Variants in DLGAP2 observed in about 807,000 individuals in gnomAD.
DLGAP2 encodes the protein disks large-associated protein 2.
In DLGAP2, 26 loss-of-function variants were observed where a neutral mutation model predicts 100.3. The ratio of observed to expected loss-of-function variants is 0.26; its 90% confidence interval spans 0.19 to 0.36. The LOEUF is 0.36. DLGAP2 is among the 10% of genes least tolerant of loss of function. The pLI, the probability that DLGAP2 is intolerant of heterozygous loss-of-function variation, is 1.00. For missense variants in DLGAP2, 1,858 were observed against 1,453.2 expected (o/e 1.28, Z -4.53); for synonymous variants, 886 against 630.1 (o/e 1.41, Z -6.08).
chr8:1,688,994 C>T (rs1799183463), intron 12 of DLGAP2, among the ~76,000 whole-genome samples: 1 of 152,218 alleles, frequency 6.6e-6, no homozygotes. Flanking sequence ...GGAGGAGACA[C>T]TGCAGCACCC....
rs138375616 is a variant in DLGAP2, at chr8:1,012,997, G to A, written c.73+105031G>A. Reference sequence around the variant, plus strand: ...CTTCAGTTTTGCAGATGAGGAAGTTGAGACTGTGGACTAGGAAGGTGTTTC... The same window carrying A: ...CTTCAGTTTTGCAGATGAGGAAGTTAAGACTGTGGACTAGGAAGGTGTTTC... On this transcript the variant is annotated intron_variant, in intron 2 of 14. Transcript: ENST00000637795. Among the ~76,000 whole-genome samples the A allele has an allele frequency of 3.3e-3, 509 of 152,304 alleles. 3 individuals carry two copies. Among genetic ancestry groups the A allele is most frequent in the African/African-American group, 0.012 (486 of 41,572 alleles).
chr8:754,934 A>C (rs773418045), intron 1 of DLGAP2, among the ~76,000 whole-genome samples: 1 of 152,214 alleles, frequency 6.6e-6, no homozygotes, highest in African/African-American at 2.4e-5. Flanking sequence ...CATCCTAGCA[A>C]TTTGTGATAA....
At chr8:1,484,623 C>T (rs1052659856) in intron 3 of DLGAP2, among the ~76,000 whole-genome samples, 2 of 152,172 alleles carry the variant, frequency 1.3e-5, no homozygotes, top group African/African-American at 4.8e-5. Context: ...CAATTCAGAC[C>T]CAACTTACAA....
chr8:1,535,706 A>G (rs1375386871), intron 4 of DLGAP2, among the ~76,000 whole-genome samples: 1 of 152,210 alleles, frequency 6.6e-6, no homozygotes, highest in Admixed American at 6.5e-5. Context: ...CCTTGGTGCA[A>G]CGGCCCTGGT....
At chr8:891,815 GGGGATACAAAGCCTGCATCCCA>G (rs1273838249) in intron 1 of DLGAP2, among the ~76,000 whole-genome samples, 2 of 152,184 alleles carry the variant, frequency 1.3e-5, no homozygotes, top group Non-Finnish European at 2.9e-5. Context: ...CTCACTGCCT[GGGGATACAAAGCCTGCATCCCA>G]GCCAGCCGAG....
At chr8:858,805 G>T (rs550997452) in intron 1 of DLGAP2, among the ~76,000 whole-genome samples, 3 of 152,248 alleles carry the variant, frequency 2.0e-5, no homozygotes, top group African/African-American at 7.2e-5. Context: ...TGCTGTCATT[G>T]TGGCCACATG....
intron 3 of DLGAP2, among the ~76,000 whole-genome samples, chr8:1,360,959 T>C (rs977994261): frequency 3.3e-5 from 5 of 152,208 alleles, no homozygotes; most frequent in African/African-American, 4.8e-5. Flanking sequence ...GCCGAGTGTC[T>C]AAAAGGGAAG....
chr8:1,407,687 G>A (rs868102322), intron 3 of DLGAP2, among the ~76,000 whole-genome samples: 8 of 102,174 alleles, frequency 7.8e-5, no homozygotes, highest in African/African-American at 2.8e-4. Context: ...CTTACTGAGC[G>A]CCACCTCCTC....
chr8:1,023,339 C>A (rs1405812590), intron 2 of DLGAP2, among the ~76,000 whole-genome samples: 2 of 152,148 alleles, frequency 1.3e-5, no homozygotes, highest in African/African-American at 4.8e-5. Context: ...CTTCGCTCCT[C>A]TCTCTGTAGC....
chr8:893,526 TG>T (rs1369518876), intron 1 of DLGAP2, among the ~76,000 whole-genome samples: 3 of 152,032 alleles, frequency 2.0e-5, no homozygotes, highest in Non-Finnish European at 2.9e-5. Flanking sequence ...AAGGGGAGGG[TG>T]GGGTTAGAGC....
intron 2 of DLGAP2, among the ~76,000 whole-genome samples, chr8:1,077,209 G>A (rs1803649395): frequency 6.6e-6 from 1 of 152,154 alleles, no homozygotes; most frequent in African/African-American, 2.4e-5. Context: ...AGTCATGTGG[G>A]GGCAGGATCC....
chr8:1,318,962 T>A lies in DLGAP2; in HGVS notation c.106+60079T>A, dbSNP rs569001205. Among the ~76,000 whole-genome samples the A allele has an allele frequency of 3.1e-4, 47 of 152,236 alleles. No homozygotes were observed. The East Asian group carries it at 8.9e-3, about 29-fold the overall frequency. On this transcript the variant is annotated intron_variant, in intron 3 of 14. Coordinates refer to ENST00000637795, the MANE Select transcript of DLGAP2 (RefSeq NM_001346810.2). ...GCATGGTTTTTCCTCACCTGTGAGA[T>A]GGGAATCGACATAGTCTCTGTTTTA...
At chr8:1,051,196 A>G (rs1802699718) in intron 2 of DLGAP2, among the ~76,000 whole-genome samples, 1 of 152,058 alleles carries the variant, frequency 6.6e-6, no homozygotes, top group Non-Finnish European at 1.5e-5. Flanking sequence ...ACCACCTCGA[A>G]GCACAACTGC....
intron 2 of DLGAP2, among the ~76,000 whole-genome samples, chr8:1,177,103 C>T (rs150608834): frequency 4.6e-5 from 7 of 152,180 alleles, no homozygotes; most frequent in African/African-American, 1.7e-4. Flanking sequence ...ATGGTCTAAC[C>T]TGTTATACGT....
Position 1,506,487 on chromosome 8 carries a change from A to G in DLGAP2, c.172+5056A>G, listed in dbSNP as rs149909095. Among the ~76,000 whole-genome samples the G allele has an allele frequency of 1.8e-3, 271 of 152,250 alleles. 2 individuals are homozygous for G. Among genetic ancestry groups the G allele is most frequent in the African/African-American group, 6.1e-3 (254 of 41,552 alleles). ...AATGGCCTCAGGAGTGAAGCTGCAG[A>G]TCTTCGCGGTGAGTGTTGCAGCTCA... On this transcript the variant is annotated intron_variant, in intron 4 of 14. Transcript: ENST00000637795.
At chr8:1,527,099 C>T (rs933291621) in intron 4 of DLGAP2, among the ~76,000 whole-genome samples, 1 of 152,230 alleles carries the variant, frequency 6.6e-6, no homozygotes, top group Non-Finnish European at 1.5e-5. Context: ...CCCGTTACCA[C>T]AGCTTCACAT....
chr8:1,472,326 G>A (rs1008771125), intron 3 of DLGAP2, among the ~76,000 whole-genome samples: 32 of 152,234 alleles, frequency 2.1e-4, no homozygotes, highest in Admixed American at 4.6e-4. Context: ...CAGGGGCGCA[G>A]GTGCCATCAT....
At chr8:1,327,218 T>G (rs17063833) in intron 3 of DLGAP2, among the ~76,000 whole-genome samples, 5 of 152,140 alleles carry the variant, frequency 3.3e-5, no homozygotes, top group Non-Finnish European at 7.3e-5. Context: ...CTTTGCAATT[T>G]TACAGGTAAG....
At chr8:746,811 C>T (rs1323099045) in intron 1 of DLGAP2, among the ~76,000 whole-genome samples, 1 of 152,258 alleles carries the variant, frequency 6.6e-6, no homozygotes, top group African/African-American at 2.4e-5. Context: ...CAGGTTCCCT[C>T]TGTCTGCTCT....
Sources: gnomAD v4.1 joint callset for allele counts (sites outside exome capture counted in the v4.1 genomes callset) on GRCh38, gnomAD v4.1.1 for gene constraint, MANE v1.5 for transcripts, NCBI Gene and HGNC (gene_info 2026-07-23, HGNC 2026-07-21) for gene names.